ZNF775: variants seen among roughly 807,000 people sequenced by gnomAD.
ZNF775 encodes the protein zinc finger protein 775.
Under a neutral mutation model 2.4 loss-of-function variants are expected in ZNF775, and 1 was observed. The ratio of observed to expected loss-of-function variants is 0.41; its 90% confidence interval spans 0.15 to 1.94. The LOEUF (loss-of-function observed/expected upper bound fraction) is 1.94. Ranked by LOEUF, ZNF775 falls within the 30% of genes most tolerant of loss-of-function variation. ZNF775 has a pLI of 0.30. For missense variants in ZNF775, 823 were observed against 826.6 expected (o/e 1.00, Z 0.05); for synonymous variants, 381 against 373.3 (o/e 1.02, Z -0.24).
Position 150,382,360 on chromosome 7 carries a change from C to T in ZNF775, c.-50+2968C>T, listed in dbSNP as rs1336428973. ...TCAGGGAGCAGGTATTTCCGTTCACCTGCGCCTTCAAGAACCTGAGCTCAA... is the reference window on the plus strand; with the variant it reads ...TCAGGGAGCAGGTATTTCCGTTCACTTGCGCCTTCAAGAACCTGAGCTCAA... On this transcript the variant is annotated intron_variant, in intron 1 of 2. Transcript: ENST00000329630. The surrounding 1 kb of genome is among the most constrained non-coding windows in gnomAD (Gnocchi z 4.6). Among the ~76,000 whole-genome samples the T allele has an allele frequency of 6.6e-6, 1 of 152,192 alleles. No homozygotes were observed. Among genetic ancestry groups the T allele is most frequent in the Non-Finnish European group, 1.5e-5 (1 of 68,022 alleles).
chr7:150,388,627 C>T, intron 2 of ZNF775, 126 bp downstream of exon 2: 1 of 1,063,962 alleles, frequency 9.4e-7, no homozygotes, highest in Non-Finnish European at 1.4e-6. Flanking sequence ...CCCACTGATG[C>T]AGAATTTCAG....
chr7:150,384,447 A>G lies in ZNF775; in HGVS notation c.-49-3975A>G, dbSNP rs1463610179. Among the ~76,000 whole-genome samples the G allele has an allele frequency of 4.6e-5, 7 of 152,240 alleles. No homozygotes were observed. Among genetic ancestry groups the G allele is most frequent in the African/African-American group, 1.2e-4 (5 of 41,468 alleles). ...AGGAGGGGCCCGCCATGCACAGAGC[A>G]GAGTGAAAGGCAGAATAGGAGAGAA... On this transcript the variant is annotated intron_variant, in intron 1 of 2. Transcript: ENST00000329630. This position sits in a 1 kb window ranked among gnomAD's most constrained non-coding sequence, Gnocchi z 4.1.
chr7:150,396,442 CCTT>C (rs1800652154), intron 2 of ZNF775, 68 bp from the exon 3 acceptor site: 1 of 1,483,330 alleles, frequency 6.7e-7, no homozygotes, highest in African/African-American at 1.4e-5. Flanking sequence ...CTCTCTTGCT[CCTT>C]CTCTCCATCC....
chr7:150,391,706 C>CTTTTTTTTTTTTTTTTTTTTTTTTTTT (rs535705895), intron 2 of ZNF775, among the ~76,000 whole-genome samples: 1 of 73,576 alleles, frequency 1.4e-5, no homozygotes, highest in Non-Finnish European at 2.5e-5. Context: ...TCCTTTCTTT[C>CTTTTTTTTTTTTTTTTTTTTTTTTTTT]TTTTTTTTTT....
intron 1 of ZNF775, 140 bp from the exon 2 acceptor site, chr7:150,388,278 CCCTG>C: frequency 1.6e-6 from 1 of 618,998 alleles, no homozygotes; most frequent in Non-Finnish European, 2.9e-6. Flanking sequence ...ATGAAAGAAC[CCCTG>C]CCCATGTCGA....
rs1177765550 is a variant in ZNF775 at position 150,396,862 on chromosome 7, C to A, written c.381C>A (p.Arg127=). ...GGTCGTCCCTGAAGATCCACCAGCG[C>A]ACCCACACCGGGGAGAAGCCGTACC... ...SWWSSLKIHQ[R]THTGEKPYLC... is the part of the protein sequence containing the mutation. Residue 127 remains arginine, a synonymous_variant, in exon 3 of 3, where the codon CGC becomes CGA. Transcript: ENST00000329630. The A allele has an allele frequency of 6.2e-7, 1 of 1,602,640 alleles. No individual in the cohort carries two copies. The highest frequency in any genetic ancestry group is 8.5e-7 in the Non-Finnish European group (1 of 1,179,656).
At chr7:150,385,454 G>A (rs187606351) in intron 1 of ZNF775, among the ~76,000 whole-genome samples, 307 of 149,418 alleles carry the variant, frequency 2.1e-3, no homozygotes, top group Admixed American at 4.5e-3. Flanking sequence ...CTGCAAAGAC[G>A]GGAGCTCTGA....
intron 1 of ZNF775, among the ~76,000 whole-genome samples, chr7:150,381,131 T>G (rs1344204040): frequency 6.6e-6 from 1 of 151,516 alleles, no homozygotes; most frequent in Non-Finnish European, 1.5e-5. Flanking sequence ...GGCCGAGGAA[T>G]GTAAGTGCAG....
chr7:150,387,030 C>A (rs574731302), intron 1 of ZNF775, among the ~76,000 whole-genome samples: 2 of 152,292 alleles, frequency 1.3e-5, no homozygotes, highest in East Asian at 3.9e-4. Context: ...AGCACGGTGG[C>A]TCACGCCTGT....
intron 2 of ZNF775, among the ~76,000 whole-genome samples, chr7:150,392,801 T>C (rs904083655): frequency 6.6e-6 from 1 of 152,248 alleles, no homozygotes; most frequent in African/African-American, 2.4e-5. Flanking sequence ...CCCAAAGTGC[T>C]GGGATTACAG....
chr7:150,389,494 T>A (rs1389974496), intron 2 of ZNF775, among the ~76,000 whole-genome samples: 3 of 152,206 alleles, frequency 2.0e-5, no homozygotes, highest in Non-Finnish European at 4.4e-5. Context: ...AGCCAGGTGG[T>A]GGCAGGAGCA....
rs1800660546 is a variant in ZNF775, at chr7:150,396,658, G to C, written c.177G>C (p.Arg59=). The change falls in exon 3 of 3, where the codon CGG becomes CGC. Residue 59 remains arginine (R), a synonymous_variant. Transcript: ENST00000329630. ...TCCCGCCACGCCAGACCATGGGGCG[G>C]CCTCGAGCCCTGGGGGGACAGGAGG... is the stretch of plus-strand genomic sequence containing the variant. The part of the protein sequence containing the change: ...RGLPPRQTMG[R]PRALGGQEES... 1.9e-6 allele frequency: 3 copies of C among 1,611,154 alleles called. No individual in the cohort carries two copies. The highest frequency in any genetic ancestry group is 1.3e-5 in the African/African-American group (1 of 75,048).
At chr7:150,385,999 A>T (rs6948064) in intron 1 of ZNF775, among the ~76,000 whole-genome samples, 2,019 of 152,184 alleles carry the variant, frequency 0.013, 39 homozygotes, top group African/African-American at 0.046. Context: ...ACTCTGTCAC[A>T]ATCTCGGCTC....
chr7:150,381,419 A>T (rs1219660597), intron 1 of ZNF775, among the ~76,000 whole-genome samples: 2 of 152,172 alleles, frequency 1.3e-5, no homozygotes, highest in East Asian at 1.9e-4. Flanking sequence ...CTGGCTGTTC[A>T]TACCCTGAGG....
Position 150,397,172 on chromosome 7 carries a change from G to T in ZNF775, c.691G>T (p.Ala231Ser). Reference sequence around the variant, plus strand: ...CGGCCTGCACGAGCTGATTCAGGACGCGGCGGCGCGCCGGGCCTGTCGCCT... The same window carrying T: ...CGGCCTGCACGAGCTGATTCAGGACTCGGCGGCGCGCCGGGCCTGTCGCCT... ...RAGLHELIQD[A>S]AARRACRLQP... is the part of the protein sequence containing the mutation. The change falls in exon 3 of 3, where the codon GCG (alanine) becomes TCG (serine). Residue 231 changes from alanine to serine, a missense_variant. Coordinates refer to ENST00000329630, the MANE Select transcript of ZNF775 (RefSeq NM_173680.4). The T allele has an allele frequency of 7.4e-7, 1 of 1,352,116 alleles. No homozygotes were observed. Among genetic ancestry groups the T allele is most frequent in the Non-Finnish European group, 9.4e-7 (1 of 1,058,816 alleles). The allele number at this position is 1,352,116 out of a possible 1,614,324, so 83.8% of individuals were successfully genotyped here.
At chr7:150,387,295 CAAAAA>C (rs550286754) in intron 1 of ZNF775, among the ~76,000 whole-genome samples, 1 of 102,914 alleles carries the variant, frequency 9.7e-6, no homozygotes, top group Non-Finnish European at 1.9e-5. Flanking sequence ...GACTCTGTCT[CAAAAA>C]AAAAAAAAAA....
chr7:150,384,070 T>C lies in ZNF775; in HGVS notation c.-49-4352T>C, dbSNP rs1242464579. Reference sequence around the variant, plus strand: ...TTGTGTGGTTGGTCTTCAGTTGTCATGGCAGCTGGGCCCAGGCTGAGGCCT... The same window carrying C: ...TTGTGTGGTTGGTCTTCAGTTGTCACGGCAGCTGGGCCCAGGCTGAGGCCT... On this transcript the variant is annotated intron_variant, in intron 1 of 2. Coordinates refer to ENST00000329630, the MANE Select transcript of ZNF775 (RefSeq NM_173680.4). This position sits in a 1 kb window ranked among gnomAD's most constrained non-coding sequence, Gnocchi z 4.1. 6.6e-6 allele frequency among the ~76,000 whole-genome samples: 1 copy of C among 152,228 alleles called. No individual in the cohort carries two copies. The highest frequency in any genetic ancestry group is 1.9e-4 in the East Asian group (1 of 5,192).
chr7:150,389,405 A>G (rs1800516677), intron 2 of ZNF775, among the ~76,000 whole-genome samples: 1 of 152,270 alleles, frequency 6.6e-6, no homozygotes, highest in African/African-American at 2.4e-5. Context: ...ACGTGGCCGC[A>G]AGTGCAAAAC....
Position 150,397,638 on chromosome 7 carries a change from G to A in ZNF775, c.1157G>A (p.Arg386His), listed in dbSNP as rs1800699659. The change falls in exon 3 of 3, where the codon CGC becomes CAC. Residue 386 changes from arginine (R) to histidine (H), a missense_variant. Coordinates refer to ENST00000329630, the MANE Select transcript of ZNF775 (RefSeq NM_173680.4). ...RSRAALRAHQ[R>H]AHAVAEPAVP... is the part of the protein sequence containing the mutation. The stretch of plus-strand genomic sequence containing the variant: ...CGCGCCGCGCTGCGCGCCCACCAGC[G>A]CGCCCACGCTGTCGCTGAGCCCGCC... 3 of 1,324,054 alleles carry A rather than the reference G, an allele frequency of 2.3e-6. No individual in the cohort carries two copies. The highest frequency in any genetic ancestry group is 4.2e-5 in the Admixed American group (1 of 23,692). The allele number at this position is 1,324,054 out of a possible 1,614,324, so 82.0% of individuals were successfully genotyped here.
Sources: allele counts gnomAD v4.1 joint callset (sites outside exome capture counted in the v4.1 genomes callset), GRCh38; gene constraint gnomAD v4.1.1; non-coding constraint Gnocchi (gnomAD v3.1); transcripts MANE v1.5; gene names NCBI Gene and HGNC (gene_info 2026-07-23, HGNC 2026-07-21).